Variants in SPRED2 observed in about 807,000 individuals in gnomAD.
The protein encoded by SPRED2 is sprouty-related, EVH1 domain-containing protein 2.
A neutral mutation model predicts 43.0 loss-of-function variants in SPRED2; 47 were observed. The ratio of observed to expected loss-of-function variants is 1.09; its 90% confidence interval spans 0.87 to 1.40. The LOEUF (loss-of-function observed/expected upper bound fraction) is 1.40, where lower values mean the gene tolerates loss of function less well. Ranked by LOEUF, SPRED2 falls within the 40% of genes most tolerant of loss-of-function variation. SPRED2 has a pLI of 0.00. For synonymous variants in SPRED2, 225 were observed against 225.7 expected (o/e 1.00, Z 0.03); for missense variants, 561 against 586.4 (o/e 0.96, Z 0.45).
chr2:65,410,786 A>C (rs1424053671), intron 1 of SPRED2, among the ~76,000 whole-genome samples: 3 of 152,022 alleles, frequency 2.0e-5, no homozygotes, highest in African/African-American at 7.3e-5. Context: ...TTGGTTCCCA[A>C]TCAAAAAAGA....
rs1183569867 is a variant in SPRED2, at chr2:65,310,988, G to A, written c.*2513C>T. On this transcript the variant is annotated 3_prime_UTR_variant, in exon 6 of 6. Transcript: ENST00000356388. ...TTGTATATATATTTTTTACACAGAGGTAAAAAGGCTTATTATAAAAAAATC... is the reference window on the plus strand; with the variant it reads ...TTGTATATATATTTTTTACACAGAGATAAAAAGGCTTATTATAAAAAAATC... 1 of 983,408 alleles carries A rather than the reference G, an allele frequency of 1.0e-6. No homozygotes were observed. 60.9% of individuals were successfully genotyped at this position (983,408 alleles called of 1,614,324 possible).
At chr2:65,321,159 A>G (rs1673398738) in intron 4 of SPRED2, among the ~76,000 whole-genome samples, 4 of 152,196 alleles carry the variant, frequency 2.6e-5, no homozygotes, top group Admixed American at 2.6e-4. Context: ...GGCTCCTAGA[A>G]GGCATGACTG....
At chr2:65,347,352 T>A (rs929256378) in intron 1 of SPRED2, among the ~76,000 whole-genome samples, 3 of 152,064 alleles carry the variant, frequency 2.0e-5, no homozygotes, top group Non-Finnish European at 2.9e-5. Flanking sequence ...ACTATGCTCA[T>A]AGGACTAGTT....
intron 1 of SPRED2, among the ~76,000 whole-genome samples, chr2:65,350,611 T>C (rs1674479840): frequency 6.6e-6 from 1 of 152,226 alleles, no homozygotes; most frequent in African/African-American, 2.4e-5. Flanking sequence ...TGTGGACTTT[T>C]TGTAAAAACA....
chr2:65,353,929 C>G (rs542106977), intron 1 of SPRED2, among the ~76,000 whole-genome samples: 45 of 151,802 alleles, frequency 3.0e-4, no homozygotes, highest in African/African-American at 1.0e-3. Flanking sequence ...GGATGCTCTG[C>G]CCAGCTGTCC....
chr2:65,328,586 A>G (rs6743585), intron 4 of SPRED2, among the ~76,000 whole-genome samples: 50,405 of 152,102 alleles, frequency 0.33, 11,968 homozygotes, highest in African/African-American at 0.67. Flanking sequence ...TGCCAGGGAC[A>G]GTAATGGTTC....
chr2:65,364,943 A>G (rs960740436), intron 1 of SPRED2, among the ~76,000 whole-genome samples: 1 of 152,248 alleles, frequency 6.6e-6, no homozygotes, highest in Non-Finnish European at 1.5e-5. Context: ...CCCGTTTACT[A>G]TAAGATGGCA....
At chr2:65,424,551 CAGG>C (rs1206753830) in intron 1 of SPRED2, among the ~76,000 whole-genome samples, 1 of 152,002 alleles carries the variant, frequency 6.6e-6, no homozygotes, top group Non-Finnish European at 1.5e-5. Flanking sequence ...TGCTTGAGCC[CAGG>C]AGTTCAAGGC....
At chr2:65,332,860 T>C (rs757136082) in intron 3 of SPRED2, among the ~76,000 whole-genome samples, 7 of 152,236 alleles carry the variant, frequency 4.6e-5, no homozygotes, top group East Asian at 1.9e-4. Flanking sequence ...ATCAACTTAA[T>C]TGGCCAAAAG....
chr2:65,398,423 C>G (rs553814994), intron 1 of SPRED2, among the ~76,000 whole-genome samples: 1 of 152,170 alleles, frequency 6.6e-6, no homozygotes, highest in East Asian at 1.9e-4. Context: ...GCAAAAGAAA[C>G]AATCAGCACA....
chr2:65,309,732 G>A (rs190808993), downstream of SPRED2, among the ~76,000 whole-genome samples: 15 of 152,274 alleles, frequency 9.9e-5, no homozygotes, highest in East Asian at 1.5e-3. Flanking sequence ...TAAACATGAC[G>A]TTGGTGGTAT....
chr2:65,318,979 A>G (rs1034031301), intron 4 of SPRED2, among the ~76,000 whole-genome samples: 3 of 152,206 alleles, frequency 2.0e-5, no homozygotes, highest in Non-Finnish European at 1.5e-5. Context: ...TTTGTTAGCT[A>G]TCATAAATCA....
intron 4 of SPRED2, 119 bp from the exon 5 acceptor site, chr2:65,317,002 T>C: frequency 1.8e-6 from 2 of 1,084,744 alleles, no homozygotes; most frequent in South Asian, 3.1e-5. Context: ...AATTTGCTGC[T>C]CTTCCCAAAA....
intron 1 of SPRED2, among the ~76,000 whole-genome samples, chr2:65,402,111 C>G (rs71424179): frequency 1.3e-5 from 2 of 151,418 alleles, no homozygotes; most frequent in African/African-American, 4.9e-5. Context: ...AACCCCATCT[C>G]TACTAAAAAT....
At chr2:65,334,182 G>A in intron 3 of SPRED2, 1 of 471,466 alleles carries the variant, frequency 2.1e-6, no homozygotes, top group South Asian at 1.5e-5. Flanking sequence ...TTCAGTGGCA[G>A]CTGTACACCC....
chr2:65,360,078 A>C (rs1489262491), intron 1 of SPRED2, among the ~76,000 whole-genome samples: 1,939 of 93,180 alleles, frequency 0.021, 57 homozygotes, highest in African/African-American at 0.065. Context: ...AAAAAAAAAA[A>C]CAAAAAAAAA....
At chr2:65,412,560 T>C (rs893300636) in intron 1 of SPRED2, among the ~76,000 whole-genome samples, 1 of 152,202 alleles carries the variant, frequency 6.6e-6, no homozygotes, top group Non-Finnish European at 1.5e-5. Context: ...AACAGGGTCA[T>C]ATGACTGTTT....
At chr2:65,351,827 C>A (rs1230805777) in intron 1 of SPRED2, among the ~76,000 whole-genome samples, 1 of 152,058 alleles carries the variant, frequency 6.6e-6, no homozygotes, top group Non-Finnish European at 1.5e-5. Flanking sequence ...TTTGTTAAGT[C>A]GGGTGGTGGT....
chr2:65,329,661 ATTCTATAAATCAC>A (rs1211557870), intron 4 of SPRED2, among the ~76,000 whole-genome samples: 3 of 152,026 alleles, frequency 2.0e-5, no homozygotes, highest in Non-Finnish European at 4.4e-5. Context: ...CCCTCTTCTG[ATTCTATAAATCAC>A]TTCTGGCAGG....
Sources: gnomAD v4.1 joint callset for allele counts (sites outside exome capture counted in the v4.1 genomes callset) on GRCh38, gnomAD v4.1.1 for gene constraint, MANE v1.5 for transcripts, NCBI Gene and HGNC (gene_info 2026-07-23, HGNC 2026-07-21) for gene names.